The following DACH2 variants were observed in gnomAD, a reference collection of about 807,000 sequenced individuals.
The protein encoded by DACH2 is dachshund homolog 2.
A neutral mutation model predicts 35.8 loss-of-function variants in DACH2; 17 were observed. The ratio of observed to expected loss-of-function variants is 0.48; its 90% CI spans 0.33 to 0.71. The LOEUF (loss-of-function observed/expected upper bound fraction) is 0.71, where lower values mean the gene tolerates loss of function less well. DACH2 is among the 30% of genes least tolerant of loss of function. The probability of loss-of-function intolerance (pLI) is 0.02; values close to 1 mark genes in which losing one functional copy is unlikely to be tolerated. For synonymous variants in DACH2, 195 were observed against 177.3 expected (o/e 1.10, Z -0.79); for missense variants, 469 against 472.7 (o/e 0.99, Z 0.07).
intron 3 of DACH2, among the ~76,000 whole-genome samples, chrX:86,636,101 G>A (rs1167225451): frequency 3.6e-5 from 4 of 110,970 alleles, no homozygotes; most frequent in Non-Finnish European, 7.5e-5. Flanking sequence ...AACAAAGCTC[G>A]GGGGATCATG....
intron 7 of DACH2, among the ~76,000 whole-genome samples, chrX:86,743,927 A>G (rs1028785231): frequency 3.6e-5 from 4 of 111,243 alleles, no homozygotes; most frequent in Non-Finnish European, 1.9e-5. Flanking sequence ...CCACCATGTC[A>G]TGATTATTTA....
At chrX:86,434,639 T>C (rs1330619246) in intron 2 of DACH2, among the ~76,000 whole-genome samples, 1 of 112,384 alleles carries the variant, frequency 8.9e-6, no homozygotes, top group African/African-American at 3.2e-5. Context: ...TGTCCCTTTT[T>C]GTGTACATCC....
chrX:86,498,841 T>C (rs1266968492), intron 2 of DACH2, among the ~76,000 whole-genome samples: 1 of 111,954 alleles, frequency 8.9e-6, no homozygotes, highest in African/African-American at 3.2e-5. Context: ...CTCTCAAAAG[T>C]GCAAGATTTT....
chrX:86,424,191 G>A (rs907748200), intron 2 of DACH2, among the ~76,000 whole-genome samples: 5 of 110,123 alleles, frequency 4.5e-5, no homozygotes, highest in East Asian at 2.9e-4. Flanking sequence ...TTCTACATAC[G>A]TTTTAGGATG....
At chrX:86,776,517 T>C (rs1347745360) in intron 7 of DACH2, among the ~76,000 whole-genome samples, 6 of 112,281 alleles carry the variant, frequency 5.3e-5, no homozygotes, top group African/African-American at 6.5e-5. Flanking sequence ...TGGTTTTCCT[T>C]GAACAAGTAC....
intron 6 of DACH2, among the ~76,000 whole-genome samples, chrX:86,730,151 C>A (rs1183977386): frequency 2.7e-5 from 3 of 111,124 alleles, no homozygotes; most frequent in Non-Finnish European, 5.7e-5. Flanking sequence ...GATCATAACA[C>A]TTTGATCACT....
At chrX:86,685,366 T>C (rs1367931530) in intron 4 of DACH2, among the ~76,000 whole-genome samples, 1 of 112,167 alleles carries the variant, frequency 8.9e-6, no homozygotes, top group Non-Finnish European at 1.9e-5. Flanking sequence ...GTTCATATCT[T>C]AAATATTAGT....
At chrX:86,584,896 A>G (rs1602671135) in intron 3 of DACH2, among the ~76,000 whole-genome samples, 1 of 111,115 alleles carries the variant, frequency 9.0e-6, no homozygotes. Flanking sequence ...ATATATGAGA[A>G]CATGCAATAT....
At chrX:86,478,488 A>G (rs2037883106) in intron 2 of DACH2, among the ~76,000 whole-genome samples, 2 of 102,460 alleles carry the variant, frequency 2.0e-5, no homozygotes, top group African/African-American at 7.2e-5. Flanking sequence ...TTGGAGCTCC[A>G]TTGTATGTTA....
chrX:86,470,629 A>T (rs2037746867), intron 2 of DACH2, among the ~76,000 whole-genome samples: 1 of 111,248 alleles, frequency 9.0e-6, no homozygotes, highest in African/African-American at 3.3e-5. Context: ...GAGATTCCAA[A>T]AGGTGGAACA....
chrX:86,447,945 ATTTG>A (rs1352274197), intron 2 of DACH2, among the ~76,000 whole-genome samples: 1 of 5,170 alleles, frequency 1.9e-4, no homozygotes, highest in Non-Finnish European at 2.5e-4. Context: ...ATGTTCTTCC[ATTTG>A]TTTGTGTCCT....
At chrX:86,258,473 G>C (rs961289631) in intron 1 of DACH2, among the ~76,000 whole-genome samples, 31 of 111,615 alleles carry the variant, frequency 2.8e-4, no homozygotes, top group African/African-American at 9.7e-4. Context: ...CCTCTCATCT[G>C]CACGTGCAAT....
chrX:86,267,808 C>T (rs1046131024), intron 1 of DACH2, among the ~76,000 whole-genome samples: 1 of 112,064 alleles, frequency 8.9e-6, no homozygotes, highest in African/African-American at 3.2e-5. Context: ...TAGTGTCCCC[C>T]CACCCCATTT....
At chrX:86,472,821 G>A (rs546120229) in intron 2 of DACH2, among the ~76,000 whole-genome samples, 2 of 111,927 alleles carry the variant, frequency 1.8e-5, no homozygotes, top group African/African-American at 6.5e-5. Flanking sequence ...GAATGCTGGA[G>A]CATTTGACAC....
At position 86,772,776 on chromosome X, in the gene DACH2, A is replaced by G. The variant is rs751221995; in HGVS notation, c.1240+32894A>G. Among the ~76,000 whole-genome samples, 3 of 111,642 alleles carry G rather than the reference A, an allele frequency of 2.7e-5. No individual in the cohort carries two copies. In the South Asian group the frequency reaches 1.1e-3, roughly 42 times the overall value. On this transcript the variant is annotated intron_variant, in intron 7 of 11. Transcript: ENST00000373125. The stretch of plus-strand genomic sequence containing the variant: ...TCCAAAGCGGCTTCCATAGACACAC[A>G]GTGTGAAATGAAATCTGGGGCTGAA...
chrX:86,356,135 G>T (rs975136355), intron 1 of DACH2, among the ~76,000 whole-genome samples: 1 of 111,350 alleles, frequency 9.0e-6, no homozygotes, highest in Non-Finnish European at 1.9e-5. Context: ...GTATTTCCTA[G>T]GTTGTCTTCA....
intron 3 of DACH2, among the ~76,000 whole-genome samples, chrX:86,556,172 A>G (rs955029994): frequency 4.5e-5 from 5 of 111,312 alleles, no homozygotes; most frequent in South Asian, 3.8e-4. Flanking sequence ...AAAGCTTGCA[A>G]TAGGGGAAGC....
intron 2 of DACH2, among the ~76,000 whole-genome samples, chrX:86,396,231 G>GGTT (rs2036288507): frequency 9.2e-6 from 1 of 108,134 alleles, no homozygotes; most frequent in Non-Finnish European, 1.9e-5. Context: ...TTTTTGATGG[G>GGTT]GTTGTTTGTT....
chrX:86,291,715 G>A (rs983208156), intron 1 of DACH2, among the ~76,000 whole-genome samples: 2 of 97,384 alleles, frequency 2.1e-5, no homozygotes, highest in Non-Finnish European at 4.0e-5. Flanking sequence ...CTGTTTATAT[G>A]CTGGATTACA....
Sources: gnomAD v4.1 joint callset for allele counts (sites outside exome capture counted in the v4.1 genomes callset) on GRCh38, gnomAD v4.1.1 for gene constraint, MANE v1.5 for transcripts, NCBI Gene and HGNC (gene_info 2026-07-23, HGNC 2026-07-21) for gene names.